The following LAMA2 variants were observed in gnomAD, a reference collection of about 807,000 sequenced individuals.
LAMA2 encodes the protein laminin subunit alpha 2.
Under a neutral mutation model 364.8 loss-of-function variants are expected in LAMA2, and 269 were observed. The observed-to-expected ratio is 0.74, with a 90% CI of 0.67 to 0.82. The LOEUF is 0.82. Among genes scored for constraint, LAMA2 ranks in the 40% least tolerant of loss-of-function variants. The pLI is 0.00. For synonymous variants in LAMA2, 1,379 were observed against 1,370.6 expected, an observed-to-expected ratio of 1.01 and a Z score of -0.14; for missense variants, 3,807 against 3,873.2, an observed-to-expected ratio of 0.98 and a Z score of 0.45.
At chr6:129,229,310 A>T (rs936728703) in intron 12 of LAMA2, among the ~76,000 whole-genome samples, 4 of 152,104 alleles carry the variant, frequency 2.6e-5, no homozygotes, top group African/African-American at 9.7e-5. Flanking sequence ...GACTAGGAAA[A>T]AGTTATGTGG....
rs758589277 is a variant in LAMA2, at chr6:128,956,801, C to T, written c.112+73444C>T. ...CCACTAATACTGTTTCAAGAGGTCA[C>T]GAAGAAGGTATTTTTTTTTTTAAAG... On this transcript the variant is annotated intron_variant, in intron 1 of 64. Coordinates refer to ENST00000421865, the MANE Select transcript of LAMA2 (RefSeq NM_000426.4). 6.0e-5 allele frequency among the ~76,000 whole-genome samples: 9 copies of T among 149,220 alleles called. 1 individual carries two copies. The South Asian group carries it at 6.4e-4, about 11-fold the overall frequency.
intron 12 of LAMA2, among the ~76,000 whole-genome samples, chr6:129,196,452 G>T (rs1170756569): frequency 6.6e-6 from 1 of 151,906 alleles, no homozygotes. Flanking sequence ...CTAAGAAATT[G>T]TTTTTTTTAG....
intron 27 of LAMA2, 73 bp downstream of exon 27, chr6:129,316,244 A>G: frequency 8.4e-7 from 1 of 1,186,688 alleles, no homozygotes; most frequent in South Asian, 1.2e-5. Context: ...TACAGATATC[A>G]GATAAGAAAG....
At chr6:129,439,075 C>CA (rs60701082) in intron 42 of LAMA2, among the ~76,000 whole-genome samples, 2 of 151,766 alleles carry the variant, frequency 1.3e-5, no homozygotes, top group Non-Finnish European at 2.9e-5. Context: ...GACCCCCCCC[C>CA]ACAGATATCA....
At chr6:129,498,959 G>A (rs901545115) in intron 58 of LAMA2, among the ~76,000 whole-genome samples, 5 of 152,112 alleles carry the variant, frequency 3.3e-5, no homozygotes, top group East Asian at 1.9e-4. Flanking sequence ...TTTTGGCCCC[G>A]TTACCAATTT....
intron 3 of LAMA2, among the ~76,000 whole-genome samples, chr6:129,096,563 C>A (rs1328698316): frequency 6.6e-6 from 1 of 152,142 alleles, no homozygotes; most frequent in Admixed American, 6.5e-5. Flanking sequence ...ATCAGTATTT[C>A]TCACCTGCAG....
intron 3 of LAMA2, among the ~76,000 whole-genome samples, chr6:129,083,591 A>T (rs1774194871): frequency 6.6e-6 from 1 of 152,232 alleles, no homozygotes; most frequent in Admixed American, 6.5e-5. Flanking sequence ...GGGAATTATA[A>T]GAATAGATGG....
intron 1 of LAMA2, among the ~76,000 whole-genome samples, chr6:128,943,805 A>G (rs1780328225): frequency 6.6e-6 from 1 of 152,200 alleles, no homozygotes; most frequent in Non-Finnish European, 1.5e-5. Context: ...ATACCATAGT[A>G]GGTCCTTCAG....
chr6:128,895,093 T>C (rs1689199157), intron 1 of LAMA2, among the ~76,000 whole-genome samples: 1 of 152,160 alleles, frequency 6.6e-6, no homozygotes, highest in Admixed American at 6.5e-5. Flanking sequence ...CAAAACCACT[T>C]CAGTTTTTAC....
intron 62 of LAMA2, among the ~76,000 whole-genome samples, chr6:129,509,931 G>T (rs1025468897): frequency 6.6e-6 from 1 of 152,070 alleles, no homozygotes; most frequent in Non-Finnish European, 1.5e-5. Flanking sequence ...ATTGCTCTGG[G>T]TAGTATGGAC....
chr6:129,447,268 G>C (rs1328026879), intron 45 of LAMA2, among the ~76,000 whole-genome samples: 1 of 152,196 alleles, frequency 6.6e-6, no homozygotes, highest in Non-Finnish European at 1.5e-5. Flanking sequence ...GCCGTGAGAA[G>C]TGACATAAAA....
At chr6:129,374,146 C>T (rs1778239416) in intron 34 of LAMA2, among the ~76,000 whole-genome samples, 1 of 152,122 alleles carries the variant, frequency 6.6e-6, no homozygotes. Flanking sequence ...GTCAACATGA[C>T]CAATTCTCTC....
chr6:129,173,161 C>T (rs148466809), intron 9 of LAMA2, among the ~76,000 whole-genome samples: 12 of 152,294 alleles, frequency 7.9e-5, no homozygotes, highest in Middle Eastern at 3.4e-3. Context: ...AGCTGTAGAC[C>T]GGAGCTGTTC....
chr6:129,093,219 G>A (rs915387436), intron 3 of LAMA2, among the ~76,000 whole-genome samples: 1 of 150,970 alleles, frequency 6.6e-6, no homozygotes, highest in African/African-American at 2.4e-5. Flanking sequence ...TCGAACTCCT[G>A]ACATCGTGAT....
In LAMA2 at chr6:129,421,229, T is replaced by A. The variant is rs552842910; in HGVS notation, c.5866-6523T>A. 2.9e-3 allele frequency among the ~76,000 whole-genome samples: 436 copies of A among 152,164 alleles called. 3 individuals carry two copies. Among genetic ancestry groups the A allele is most frequent in the African/African-American group, 9.9e-3 (413 of 41,516 alleles). On this transcript the variant is annotated intron_variant, in intron 40 of 64. Coordinates refer to ENST00000421865, the MANE Select transcript of LAMA2 (RefSeq NM_000426.4). ...CGTTTTAAATTATCTCACATTTTCT[T>A]AAACAATTATTAACTAATAAAAACA...
intron 51 of LAMA2, 33 bp downstream of exon 51, chr6:129,465,322 C>G: frequency 6.4e-7 from 1 of 1,559,002 alleles, no homozygotes; most frequent in East Asian, 2.3e-5. Context: ...CAATATAGGC[C>G]TTAATCATGA....
chr6:129,349,198 C>T (rs1659098755), intron 30 of LAMA2, 100 bp from the exon 31 acceptor site: 5 of 881,366 alleles, frequency 5.7e-6, no homozygotes, highest in South Asian at 5.5e-5. Context: ...TTTATTACTA[C>T]CTAAAAGTAT....
intron 1 of LAMA2, among the ~76,000 whole-genome samples, chr6:128,965,666 TAAAC>T (rs1781793050): frequency 6.6e-6 from 1 of 152,048 alleles, no homozygotes; most frequent in South Asian, 2.1e-4. Context: ...AACAAACACA[TAAAC>T]AATCATCGAT....
intron 45 of LAMA2, among the ~76,000 whole-genome samples, chr6:129,447,770 A>C (rs760753737): frequency 9.9e-5 from 15 of 152,096 alleles, no homozygotes; most frequent in Non-Finnish European, 1.9e-4. Flanking sequence ...GTGATGTACC[A>C]CTCCTATATT....
Sources: gnomAD v4.1 joint callset for allele counts (sites outside exome capture counted in the v4.1 genomes callset) on GRCh38, gnomAD v4.1.1 for gene constraint, MANE v1.5 for transcripts, NCBI Gene and HGNC (gene_info 2026-07-23, HGNC 2026-07-21) for gene names.